NFATC2: variants seen among roughly 807,000 people sequenced by gnomAD.
The protein encoded by NFATC2 is nuclear factor of activated T cells 2.
In NFATC2, 22 loss-of-function variants were observed where a neutral mutation model predicts 87.3. The ratio of observed to expected loss-of-function variants is 0.25; its 90% CI spans 0.18 to 0.36. The LOEUF (loss-of-function observed/expected upper bound fraction) is 0.36, where lower values mean the gene tolerates loss of function less well. NFATC2 is among the 10% of genes least tolerant of loss of function. The pLI is 1.00. For synonymous variants in NFATC2, 565 were observed against 542.2 expected (o/e 1.04, Z -0.58); for missense variants, 1,149 against 1,259.1 (o/e 0.91, Z 1.32).
At chr20:51,504,995 G>A (rs1054693227) in intron 3 of NFATC2, among the ~76,000 whole-genome samples, 9 of 118,310 alleles carry the variant, frequency 7.6e-5, no homozygotes, top group Non-Finnish European at 1.5e-4. Context: ...GTGCTATCTA[G>A]TTCCTTTTTT....
intron 1 of NFATC2, among the ~76,000 whole-genome samples, chr20:51,561,404 A>AAAAG (rs1166849896): frequency 6.1e-5 from 9 of 148,224 alleles, no homozygotes; most frequent in East Asian, 1.9e-4. Flanking sequence ...AGAGAGAAAG[A>AAAAG]AAAGAAAGAA....
intron 6 of NFATC2, among the ~76,000 whole-genome samples, chr20:51,443,625 C>T (rs909024825): frequency 2.0e-5 from 3 of 152,138 alleles, no homozygotes; most frequent in Admixed American, 1.3e-4. Context: ...CCAGAAGTTC[C>T]GTATAATCCA....
intron 1 of NFATC2, among the ~76,000 whole-genome samples, chr20:51,536,843 A>C (rs1286154190): frequency 6.6e-6 from 1 of 152,168 alleles, no homozygotes; most frequent in Non-Finnish European, 1.5e-5. Context: ...TGAATGTCAC[A>C]TGTGTTTAGT....
intron 5 of NFATC2, among the ~76,000 whole-genome samples, chr20:51,471,063 G>C (rs751339137): frequency 1.3e-5 from 2 of 152,178 alleles, no homozygotes; most frequent in Non-Finnish European, 2.9e-5. Context: ...AGGTGAATCA[G>C]GCAAATGCCT....
chr20:51,522,708 A>G (rs6021266), intron 2 of NFATC2, among the ~76,000 whole-genome samples: 66,128 of 151,874 alleles, frequency 0.44, 14,551 homozygotes, highest in African/African-American at 0.47. Flanking sequence ...GCTCCATGAA[A>G]GCAGAAATTT....
At chr20:51,453,433 T>G (rs1986043263) in intron 6 of NFATC2, among the ~76,000 whole-genome samples, 1 of 152,192 alleles carries the variant, frequency 6.6e-6, no homozygotes, top group African/African-American at 2.4e-5. Context: ...AATAAACAAA[T>G]AGACAAACAT....
intron 9 of NFATC2, among the ~76,000 whole-genome samples, chr20:51,421,585 T>C (rs1980928881): frequency 6.6e-6 from 1 of 152,316 alleles, no homozygotes; most frequent in Non-Finnish European, 1.5e-5. Flanking sequence ...AGCAAGTGGA[T>C]GTTCCAACTA....
At chr20:51,441,717 C>A (rs1337156675) in intron 6 of NFATC2, among the ~76,000 whole-genome samples, 141 of 120,106 alleles carry the variant, frequency 1.2e-3, no homozygotes, top group South Asian at 1.7e-3. Context: ...AACTCCATCT[C>A]AAAAAAAAAA....
intron 9 of NFATC2, among the ~76,000 whole-genome samples, chr20:51,412,916 G>A (rs1175021270): frequency 6.6e-6 from 1 of 151,812 alleles, no homozygotes; most frequent in African/African-American, 2.4e-5. Flanking sequence ...ACAGGAGAAG[G>A]AGAAGGAGAA....
intron 10 of NFATC2, among the ~76,000 whole-genome samples, chr20:51,398,433 C>G (rs1412220649): frequency 4.6e-5 from 7 of 152,324 alleles, no homozygotes; most frequent in East Asian, 3.9e-4. Context: ...CCTCATCCCC[C>G]CTTCTCCCGC....
chr20:51,458,938 G>A (rs982968897), intron 5 of NFATC2, among the ~76,000 whole-genome samples: 1 of 152,160 alleles, frequency 6.6e-6, no homozygotes, highest in African/African-American at 2.4e-5. Flanking sequence ...CTGCTGCTTG[G>A]GCTCCGGGGT....
chr20:51,501,945 C>T (rs1004441797), intron 3 of NFATC2, among the ~76,000 whole-genome samples: 10 of 152,332 alleles, frequency 6.6e-5, no homozygotes, highest in East Asian at 3.9e-4. Context: ...TATGCAAATA[C>T]GTAGGTGTGG....
At chr20:51,415,044 G>A (rs1181057010) in intron 9 of NFATC2, among the ~76,000 whole-genome samples, 4 of 151,366 alleles carry the variant, frequency 2.6e-5, no homozygotes, top group Non-Finnish European at 5.9e-5. Context: ...GAGCTCAGGA[G>A]TTTTGAGACC....
intron 5 of NFATC2, among the ~76,000 whole-genome samples, chr20:51,461,062 G>A (rs1294534799): frequency 6.6e-6 from 1 of 152,214 alleles, no homozygotes; most frequent in Non-Finnish European, 1.5e-5. Flanking sequence ...CCAGTCCTCA[G>A]AGAACCCAGA....
chr20:51,460,782 T>G (rs1443768304), intron 5 of NFATC2, among the ~76,000 whole-genome samples: 1 of 152,158 alleles, frequency 6.6e-6, no homozygotes, highest in Non-Finnish European at 1.5e-5. Context: ...CCAGGTTTCT[T>G]GACCCCAGTT....
intron 3 of NFATC2, among the ~76,000 whole-genome samples, chr20:51,507,720 G>T (rs192367762): frequency 8.7e-4 from 133 of 152,330 alleles, no homozygotes; most frequent in African/African-American, 3.1e-3. Flanking sequence ...CCAAGAGGCA[G>T]CATGGGCCAG....
chr20:51,496,464 G>C (rs1382873703), intron 3 of NFATC2, among the ~76,000 whole-genome samples: 1 of 151,422 alleles, frequency 6.6e-6, no homozygotes, highest in Admixed American at 6.6e-5. Flanking sequence ...ACCTCCTCAG[G>C]AAGCTGCCCC....
At chr20:51,481,069 C>T (rs752999490) in intron 3 of NFATC2, among the ~76,000 whole-genome samples, 9 of 152,092 alleles carry the variant, frequency 5.9e-5, no homozygotes, top group South Asian at 4.2e-4. Flanking sequence ...GAATACTTCC[C>T]GTCCACCCTC....
chr20:51,561,480 AAAGAAAGCAAGCAAGCAAGCAAGCAAGC>A (rs1419569583), intron 1 of NFATC2, among the ~76,000 whole-genome samples: 42 of 111,236 alleles, frequency 3.8e-4, no homozygotes, highest in African/African-American at 1.2e-3. Context: ...AGAAAGAAAG[AAAGAAAGCAAGCAAGCAAGCAAGCAAGC>A]AAGCAAGCAA....
Sources: gnomAD v4.1 joint callset for allele counts (sites outside exome capture counted in the v4.1 genomes callset) on GRCh38, gnomAD v4.1.1 for gene constraint, MANE v1.5 for transcripts, NCBI Gene and HGNC (gene_info 2026-07-23, HGNC 2026-07-21) for gene names.